ZNF423: variants seen among roughly 807,000 people sequenced by gnomAD.
ZNF423 encodes the protein Ebf-associated zinc finger protein.
A neutral mutation model predicts 95.8 loss-of-function variants in ZNF423; 12 were observed. The observed-to-expected ratio is 0.13, with a 90% CI of 0.08 to 0.20. ZNF423 has a LOEUF of 0.20. ZNF423 is among the 10% of genes least tolerant of loss of function. The pLI is 1.00. For synonymous variants in ZNF423, 749 were observed against 711.9 expected, an observed-to-expected ratio of 1.05 and a Z score of -0.83; for missense variants, 1,316 against 1,737.1, an observed-to-expected ratio of 0.76 and a Z score of 4.31.
At chr16:49,651,196 T>TC (rs1345443629) in intron 3 of ZNF423, among the ~76,000 whole-genome samples, 1 of 151,044 alleles carries the variant, frequency 6.6e-6, no homozygotes, top group African/African-American at 2.4e-5. Context: ...AATTTTAATT[T>TC]TTTTTTTTTT....
At chr16:49,782,167 C>T (rs370752251) in intron 2 of ZNF423, among the ~76,000 whole-genome samples, 8 of 152,356 alleles carry the variant, frequency 5.3e-5, no homozygotes, top group South Asian at 2.1e-4. Context: ...CAGGAGTGAC[C>T]GGGGCACAGA....
At chr16:49,825,873 A>G (rs2035000406) in intron 1 of ZNF423, among the ~76,000 whole-genome samples, 1 of 152,224 alleles carries the variant, frequency 6.6e-6, no homozygotes, top group South Asian at 2.1e-4. Context: ...CGAGGGACCA[A>G]CAAGGTTTCA....
chr16:49,813,662 C>G (rs1289011998), intron 1 of ZNF423, among the ~76,000 whole-genome samples: 3 of 152,248 alleles, frequency 2.0e-5, no homozygotes, highest in Non-Finnish European at 4.4e-5. Context: ...GCCTCCATCT[C>G]TCTGTGCATT....
chr16:49,777,944 C>A (rs1315574700), intron 2 of ZNF423, among the ~76,000 whole-genome samples: 1 of 152,168 alleles, frequency 6.6e-6, no homozygotes, highest in African/African-American at 2.4e-5. Context: ...ACTGTCCCTG[C>A]CTCCACAAGC....
At chr16:49,784,569 G>A (rs1238882751) in intron 2 of ZNF423, among the ~76,000 whole-genome samples, 1 of 152,180 alleles carries the variant, frequency 6.6e-6, no homozygotes, top group African/African-American at 2.4e-5. Flanking sequence ...GAAAATATTA[G>A]GCTAAGTGAA....
At position 49,787,954 on chromosome 16, in the gene ZNF423, C is replaced by T. The variant is rs530025456; in HGVS notation, c.100+1533G>A. On this transcript the variant is annotated intron_variant, in intron 2 of 7. Coordinates refer to ENST00000563137, the MANE Select transcript of ZNF423 (RefSeq NM_001379286.1). ...TCAGGAGGACTACATGTCTGAGACACGGCGCCTTATGGCCTTGCTGTTTCC... is the reference window on the plus strand; with the variant it reads ...TCAGGAGGACTACATGTCTGAGACATGGCGCCTTATGGCCTTGCTGTTTCC... 8.5e-5 allele frequency among the ~76,000 whole-genome samples: 13 copies of T among 152,336 alleles called. No homozygotes were observed. In the South Asian group the frequency reaches 1.2e-3, roughly 15 times the overall value.
intron 1 of ZNF423, among the ~76,000 whole-genome samples, chr16:49,851,351 G>A (rs529188686): frequency 5.3e-5 from 8 of 152,238 alleles, no homozygotes; most frequent in Admixed American, 4.6e-4. Context: ...GGTTCCTTTC[G>A]TTTACACATC....
In ZNF423 at chr16:49,638,074, C is replaced by T; in HGVS notation, c.1102G>A (p.Val368Ile). 5 of 1,613,906 alleles carry T rather than the reference C, an allele frequency of 3.1e-6. No individual in the cohort carries two copies. Among genetic ancestry groups the T allele is most frequent in the Non-Finnish European group, 3.4e-6 (4 of 1,179,966 alleles). Reference sequence around the variant, plus strand: ...CTCATGGAGGCCACGCTGCCCAGTACAGGGTCGGGACTGACACTGTGGTTG... The same window carrying T: ...CTCATGGAGGCCACGCTGCCCAGTATAGGGTCGGGACTGACACTGTGGTTG... ...SSNHSVSPDP[V>I]LGSVASMSSA... Residue 368 changes from valine (V) to isoleucine (I), a missense_variant, in exon 4 of 8, where the codon GTA becomes ATA. By Grantham distance (29) the Val-to-Ile change is conservative (BLOSUM62 3). This residue lies in a region of ZNF423 where 399 missense variants were observed against 478.5 expected (regional missense o/e 0.83). Coordinates refer to ENST00000563137, the MANE Select transcript of ZNF423 (RefSeq NM_001379286.1). The surrounding 1 kb of genome is among the most constrained non-coding windows in gnomAD (Gnocchi z 5.6).
intron 3 of ZNF423, among the ~76,000 whole-genome samples, chr16:49,700,686 A>T (rs1047182089): frequency 5.9e-5 from 9 of 152,220 alleles, no homozygotes; most frequent in Non-Finnish European, 8.8e-5. Flanking sequence ...TGCTTAATTA[A>T]TCAGCCTGCT....
At chr16:49,821,508 C>T (rs1240362632) in intron 1 of ZNF423, among the ~76,000 whole-genome samples, 1 of 152,176 alleles carries the variant, frequency 6.6e-6, no homozygotes, top group African/African-American at 2.4e-5. Context: ...ATGAGGGTCC[C>T]ACACCTGGGC....
At chr16:49,858,145 G>A (rs901812726), upstream of ZNF423, among the ~76,000 whole-genome samples, 7 of 152,188 alleles carry the variant, frequency 4.6e-5, no homozygotes, top group African/African-American at 1.2e-4. The surrounding 1 kb of genome is among the most constrained non-coding windows in gnomAD (Gnocchi z 4.3). Flanking sequence ...CACTTGGAGA[G>A]GGGAGGGCTA....
intron 5 of ZNF423, among the ~76,000 whole-genome samples, chr16:49,535,662 T>C (rs1220593707): frequency 6.6e-6 from 1 of 152,162 alleles, no homozygotes; most frequent in East Asian, 1.9e-4. Flanking sequence ...GCCTGCACAT[T>C]TTCAGAAGGC....
intron 5 of ZNF423, among the ~76,000 whole-genome samples, chr16:49,563,639 G>A (rs1033932181): frequency 6.6e-6 from 1 of 152,188 alleles, no homozygotes; most frequent in Non-Finnish European, 1.5e-5. Context: ...AACCAAGGTG[G>A]TCTGCCTCCC....
At chr16:49,822,847 G>T in intron 1 of ZNF423, 1 of 788,132 alleles carries the variant, frequency 1.3e-6, no homozygotes, top group Non-Finnish European at 1.9e-6. Context: ...CTGAGGCTCA[G>T]ACTACTTAAC....
At chr16:49,501,263 A>G (rs1781393959) in intron 7 of ZNF423, among the ~76,000 whole-genome samples, 1 of 152,212 alleles carries the variant, frequency 6.6e-6, no homozygotes, top group South Asian at 2.1e-4. Flanking sequence ...GTCAGCCCCA[A>G]GAACTCAAAC....
chr16:49,719,091 C>T (rs984046243), intron 3 of ZNF423, among the ~76,000 whole-genome samples: 3 of 152,202 alleles, frequency 2.0e-5, no homozygotes, highest in African/African-American at 7.2e-5. Flanking sequence ...TCAGGGAACA[C>T]AATTTTCAGA....
chr16:49,711,813 CAG>C (rs2032552058), intron 3 of ZNF423: 1 of 152,216 alleles, frequency 6.6e-6, no homozygotes, highest in Admixed American at 6.5e-5. Context: ...TTTTTACAAA[CAG>C]AATACATTTA....
intron 7 of ZNF423, among the ~76,000 whole-genome samples, chr16:49,508,409 A>G (rs1967742951): frequency 6.6e-6 from 1 of 150,720 alleles, no homozygotes. Flanking sequence ...AGTCCCAGCT[A>G]CTCAGGAGGC....
chr16:49,840,126 T>C (rs554924870), intron 1 of ZNF423, among the ~76,000 whole-genome samples: 2 of 152,292 alleles, frequency 1.3e-5, no homozygotes, highest in East Asian at 3.9e-4. Context: ...CTAAAAGCCT[T>C]GAAACCTAAA....
Sources: allele counts gnomAD v4.1 joint callset (sites outside exome capture counted in the v4.1 genomes callset), GRCh38; gene constraint gnomAD v4.1.1; regional missense constraint gnomAD v4.1.1; non-coding constraint Gnocchi (gnomAD v3.1); transcripts MANE v1.5; gene names NCBI Gene and HGNC (gene_info 2026-07-23, HGNC 2026-07-21).